The following ATRX variants were observed in gnomAD, a reference collection of about 807,000 sequenced individuals.
The protein encoded by ATRX is ATRX chromatin remodeler, also known as chromatin remodeler ATRX.
Under a neutral mutation model 172.6 loss-of-function variants are expected in ATRX, and 12 were observed. The ratio of observed to expected loss-of-function variants is 0.07; its 90% CI spans 0.04 to 0.11. ATRX has a LOEUF of 0.11. Ranked by LOEUF, ATRX falls within the 10% of genes least tolerant of loss-of-function variation. ATRX has a pLI of 1.00. For synonymous variants in ATRX, 674 were observed against 594.7 expected, an observed-to-expected ratio of 1.13 and a Z score of -1.94; for missense variants, 1,368 against 1,767.4, an observed-to-expected ratio of 0.77 and a Z score of 4.05.
In ATRX at chrX:77,681,221, C is replaced by T. The variant is rs782300207; in HGVS notation, c.3736+299G>A. 5.4e-5 allele frequency among the ~76,000 whole-genome samples: 6 copies of T among 111,767 alleles called. No homozygotes were observed. The East Asian group carries it at 8.4e-4, about 16-fold the overall frequency. On this transcript the variant is annotated intron_variant, in intron 9 of 34. Transcript: ENST00000373344. ...AGCTACTGAACCACTGGCACCAGTC[C>T]GCTTTTCCTTCTGCTCATTACTCCA... is the stretch of plus-strand genomic sequence containing the variant.
At chrX:77,782,563 G>A (rs1233123675) in intron 1 of ATRX, among the ~76,000 whole-genome samples, 1 of 110,300 alleles carries the variant, frequency 9.1e-6, no homozygotes, top group Non-Finnish European at 1.9e-5. Flanking sequence ...AGCCTGGCTG[G>A]CCAACATGGT....
In ATRX at chrX:77,681,606, C is replaced by T. The variant is rs782298103; in HGVS notation, c.3650G>A (p.Gly1217Asp). 8 of 1,207,617 alleles carry T rather than the reference C, an allele frequency of 6.6e-6. No homozygotes were observed. The South Asian group carries it at 1.4e-4, about 22-fold the overall frequency. The stretch of plus-strand genomic sequence containing the variant: ...TTTCTGTTCATCGCTGCTTCCCTCA[C>T]CTATAGAATTCTGATCATCATCTTC... Reference protein sequence around the residue: ...DIEDDDQNSIGEGSSDEQKIK... With the variant: ...DIEDDDQNSIDEGSSDEQKIK... The change falls in exon 9 of 35, where the codon GGT (glycine) becomes GAT (aspartate). Residue 1217 changes from glycine to aspartate, a missense_variant. Physicochemically the swap from Gly to Asp is moderately conservative, Grantham distance 94. This residue lies in a region of ATRX where 843 missense variants were observed against 643.1 expected (regional missense o/e 1.31). Coordinates refer to ENST00000373344, the MANE Select transcript of ATRX (RefSeq NM_000489.6).
intron 1 of ATRX, among the ~76,000 whole-genome samples, chrX:77,730,237 G>A (rs1557175486): frequency 8.9e-6 from 1 of 112,007 alleles, no homozygotes; most frequent in Non-Finnish European, 1.9e-5. Context: ...TATAGGAAAA[G>A]CCAAAGAGGG....
At chrX:77,674,071 A>G (rs1013071271) in intron 10 of ATRX, 2 of 111,519 alleles carry the variant, frequency 1.8e-5, no homozygotes, top group Non-Finnish European at 3.8e-5. Flanking sequence ...GACAAAGCAT[A>G]TAAGATTTAT....
intron 25 of ATRX, among the ~76,000 whole-genome samples, chrX:77,598,944 TA>T (rs2066565150): frequency 2.7e-5 from 3 of 112,264 alleles, no homozygotes; most frequent in African/African-American, 9.7e-5. Context: ...TACTGTATAT[TA>T]CTGACTAAAA....
At chrX:77,715,701 A>G (rs1186734745) in intron 2 of ATRX, among the ~76,000 whole-genome samples, 10 of 110,970 alleles carry the variant, frequency 9.0e-5, no homozygotes, top group Middle Eastern at 4.6e-3. Context: ...AGTTTTCTTT[A>G]TATTTATCCT....
At chrX:77,721,928 T>C (rs782616816) in intron 1 of ATRX, among the ~76,000 whole-genome samples, 1 of 111,552 alleles carries the variant, frequency 9.0e-6, no homozygotes, top group East Asian at 2.8e-4. Context: ...CAAACTATAC[T>C]ACAAGGCTAC....
chrX:77,549,128 T>C (rs2064360138), intron 30 of ATRX, among the ~76,000 whole-genome samples: 1 of 112,043 alleles, frequency 8.9e-6, no homozygotes, highest in Non-Finnish European at 1.9e-5. Context: ...CTCATGCCTG[T>C]AATCCCAGCA....
chrX:77,585,583 C>CAAAAAAAA (rs781792876), intron 27 of ATRX, among the ~76,000 whole-genome samples: 93 of 8,552 alleles, frequency 0.011, 38 homozygotes, highest in Non-Finnish European at 0.017. Flanking sequence ...CTCCCCCCAC[C>CAAAAAAAA]AAAAAAAAAA....
At chrX:77,755,711 T>C (rs1157181088) in intron 1 of ATRX, among the ~76,000 whole-genome samples, 1 of 111,544 alleles carries the variant, frequency 9.0e-6, no homozygotes, top group Non-Finnish European at 1.9e-5. Flanking sequence ...GGGAGCTTCG[T>C]CCCAGAAGGG....
chrX:77,633,712 C>A lies in ATRX; in HGVS notation c.4810G>T (p.Val1604Leu), dbSNP rs2148344386. ...HCMGLGKTLQ[V>L]VSFLHTVLLC... is the part of the protein sequence containing the mutation. ...AGAACTGTATGAAGAAAACTTACCA[C>A]CTATAAGAAAACAGATTGTCACCTT... The change falls in exon 18 of 35, where the codon GTG (valine) becomes TTG (leucine). Residue 1604 changes from valine to leucine, a missense_variant and splice_region_variant. Val to Leu is a conservative substitution (Grantham distance 32, BLOSUM62 1). Transcript: ENST00000373344. 1 of 1,206,600 alleles carries A rather than the reference C, an allele frequency of 8.3e-7. No individual in the cohort carries two copies. Among genetic ancestry groups the A allele is most frequent in the Non-Finnish European group, 1.1e-6 (1 of 891,864 alleles).
chrX:77,541,266 G>A (rs782579133), intron 30 of ATRX, among the ~76,000 whole-genome samples: 13 of 111,877 alleles, frequency 1.2e-4, no homozygotes, highest in Middle Eastern at 4.7e-3. Context: ...AGTCTAAACC[G>A]GGAAGAAGTC....
intron 2 of ATRX, among the ~76,000 whole-genome samples, chrX:77,710,728 C>A (rs1009154856): frequency 1.8e-5 from 2 of 111,243 alleles, no homozygotes; most frequent in Admixed American, 1.9e-4. Flanking sequence ...ATTTATTTAA[C>A]ATATTTGAAA....
In ATRX at chrX:77,506,988, G is replaced by A. The variant is rs1377616235; in HGVS notation, c.*1363C>T. 7.2e-6 allele frequency: 1 copy of A among 139,669 alleles called. No individual in the cohort carries two copies. The highest frequency in any genetic ancestry group is 1.3e-5 in the Non-Finnish European group (1 of 76,474). The allele number at this position is 139,669 out of a possible 1,213,427, so 11.5% of individuals were successfully genotyped here. On this transcript the variant is annotated 3_prime_UTR_variant, in exon 35 of 35. Transcript: ENST00000373344. ...CTCAAAAATGGTTCTGCCATGTTGAGTTGACTCCCATAGTCAAAAACAATG... is the reference window on the plus strand; with the variant it reads ...CTCAAAAATGGTTCTGCCATGTTGAATTGACTCCCATAGTCAAAAACAATG...
rs1238561866 is a variant in ATRX at position 77,744,452 on chromosome X, A to T, written c.21-27209T>A. Among the ~76,000 whole-genome samples, 35 of 112,295 alleles carry T rather than the reference A, an allele frequency of 3.1e-4. No homozygotes were observed. In the Admixed American group the frequency reaches 3.3e-3, roughly 11 times the overall value. Reference sequence around the variant, plus strand: ...AAGAAGTGACTGTTACAGCACATGCACAGAAATCAATGAAAAGACAAAGGA... The same window carrying T: ...AAGAAGTGACTGTTACAGCACATGCTCAGAAATCAATGAAAAGACAAAGGA... On this transcript the variant is annotated intron_variant, in intron 1 of 34. Transcript: ENST00000373344.
intron 1 of ATRX, among the ~76,000 whole-genome samples, chrX:77,730,905 AACAAC>A (rs782624948): frequency 6.3e-5 from 7 of 111,095 alleles, no homozygotes; most frequent in Admixed American, 9.7e-5. Context: ...TAAACAACCT[AACAAC>A]ACATCTTAAA....
intron 30 of ATRX, among the ~76,000 whole-genome samples, chrX:77,555,713 G>A (rs1193441921): frequency 9.1e-6 from 1 of 110,360 alleles, no homozygotes; most frequent in Admixed American, 9.6e-5. Context: ...CAGGGGGTGG[G>A]GGGAAAGGGG....
At chrX:77,555,807 G>A (rs1352057257) in intron 30 of ATRX, among the ~76,000 whole-genome samples, 4 of 110,268 alleles carry the variant, frequency 3.6e-5, no homozygotes, top group Non-Finnish European at 5.7e-5. Context: ...AACCACCATG[G>A]CACATGTATA....
At chrX:77,509,414 G>A (rs2147657939) in intron 34 of ATRX, among the ~76,000 whole-genome samples, 1 of 111,628 alleles carries the variant, frequency 9.0e-6, no homozygotes, top group East Asian at 2.8e-4. Context: ...CCTCCCCGAA[G>A]GAACAGCAAA....
Sources: gnomAD v4.1 joint callset for allele counts (sites outside exome capture counted in the v4.1 genomes callset) on GRCh38, gnomAD v4.1.1 for gene constraint, gnomAD v4.1.1 regional missense constraint, MANE v1.5 for transcripts, NCBI Gene and HGNC (gene_info 2026-07-23, HGNC 2026-07-21) for gene names.